DGKB: variants seen among roughly 807,000 people sequenced by gnomAD.
DGKB encodes 90 kDa diacylglycerol kinase.
In DGKB, 67 loss-of-function variants were observed where a neutral mutation model predicts 114.3. That is an observed-to-expected ratio of 0.59 (90% CI 0.48 to 0.72). DGKB has a LOEUF of 0.72. DGKB is among the 30% of genes least tolerant of loss of function. The probability of loss-of-function intolerance (pLI) is 0.00; values close to 1 mark genes in which losing one functional copy is unlikely to be tolerated. For synonymous variants in DGKB, 398 were observed against 323.1 expected (o/e 1.23, Z -2.49); for missense variants, 907 against 975.2 (o/e 0.93, Z 0.93).
At chr7:14,395,949 T>C (rs1822146799) in intron 21 of DGKB, among the ~76,000 whole-genome samples, 1 of 152,016 alleles carries the variant, frequency 6.6e-6, no homozygotes, top group Admixed American at 6.6e-5. Flanking sequence ...TAAAATTTAT[T>C]GGTTATAAAT....
chr7:14,337,217 CTAA>C (rs1044864935), intron 23 of DGKB, among the ~76,000 whole-genome samples: 12 of 152,010 alleles, frequency 7.9e-5, no homozygotes, highest in Admixed American at 4.6e-4. Flanking sequence ...CTTCTAGAAA[CTAA>C]TAATTATATT....
At chr7:14,914,789 T>C (rs540506984) in intron 1 of DGKB, among the ~76,000 whole-genome samples, 1 of 151,670 alleles carries the variant, frequency 6.6e-6, no homozygotes, top group South Asian at 2.1e-4. Flanking sequence ...ACAATGAATG[T>C]AAACAGAGAG....
chr7:14,332,281 G>T (rs1809861620), intron 23 of DGKB, among the ~76,000 whole-genome samples: 1 of 152,198 alleles, frequency 6.6e-6, no homozygotes, highest in South Asian at 2.1e-4. Flanking sequence ...TAAAGTACAA[G>T]GACATGAAGT....
At chr7:14,644,071 C>A (rs1365228693) in intron 13 of DGKB, among the ~76,000 whole-genome samples, 1 of 151,082 alleles carries the variant, frequency 6.6e-6, no homozygotes, top group Non-Finnish European at 1.5e-5. Context: ...CAACTACAGC[C>A]TAAACTACTG....
chr7:14,880,361 G>T (rs1028519179), intron 1 of DGKB, among the ~76,000 whole-genome samples: 2 of 152,124 alleles, frequency 1.3e-5, no homozygotes, highest in Non-Finnish European at 2.9e-5. Flanking sequence ...GGGAGGCTGA[G>T]GTAGAAGAAT....
intron 2 of DGKB, among the ~76,000 whole-genome samples, chr7:14,820,360 T>C (rs1256090624): frequency 6.6e-6 from 1 of 152,210 alleles, no homozygotes; most frequent in Admixed American, 6.6e-5. Context: ...ATTTTCCAAA[T>C]TGCTTGTGCC....
At chr7:14,210,045 A>G (rs578092379) in intron 23 of DGKB, among the ~76,000 whole-genome samples, 1 of 152,196 alleles carries the variant, frequency 6.6e-6, no homozygotes, top group African/African-American at 2.4e-5. Flanking sequence ...TTATACATAC[A>G]AAGTGGTACA....
intron 21 of DGKB, among the ~76,000 whole-genome samples, chr7:14,351,467 C>A (rs1317734441): frequency 6.6e-6 from 1 of 152,278 alleles, no homozygotes; most frequent in East Asian, 1.9e-4. Context: ...AGGGAGGATA[C>A]ATTTGTAGTT....
intron 1 of DGKB, among the ~76,000 whole-genome samples, chr7:14,964,346 A>C (rs529161360): frequency 1.3e-5 from 2 of 152,230 alleles, no homozygotes; most frequent in East Asian, 3.9e-4. Context: ...CTCTACAAAA[A>C]ATATAAAAAT....
At chr7:14,445,049 T>A (rs937170669) in intron 21 of DGKB, among the ~76,000 whole-genome samples, 4 of 151,914 alleles carry the variant, frequency 2.6e-5, no homozygotes, top group African/African-American at 9.7e-5. Context: ...TATTTCAGAT[T>A]CTCTACCTGT....
In DGKB at chr7:14,574,433, TTA is replaced by T. The variant is rs901577845; in HGVS notation, c.1610-63_1610-62del. ...CTAACCAAATAAAAAAGCTGTATTT[TTA>T]TGTTTCAGTGTGCTTATGCATATGT... On this transcript the variant is annotated intron_variant, in intron 19 of 25. Transcript: ENST00000402815. 1.4e-5 allele frequency: 20 copies of T among 1,472,722 alleles called. No individual in the cohort carries two copies. The African/African-American group carries it at 2.7e-4, about 20-fold the overall frequency. 91.2% of individuals were successfully genotyped at this position (1,472,722 alleles called of 1,614,324 possible). A position where few individuals can be genotyped will look rare whatever the true frequency, so the allele number is the denominator to read the frequency against.
intron 23 of DGKB, among the ~76,000 whole-genome samples, chr7:14,277,709 T>C (rs1799237329): frequency 6.6e-6 from 1 of 152,244 alleles, no homozygotes; most frequent in African/African-American, 2.4e-5. Flanking sequence ...CTGTGTATAG[T>C]GCTACAATGA....
chr7:14,453,046 G>A (rs1013037709), intron 21 of DGKB, among the ~76,000 whole-genome samples: 2 of 152,152 alleles, frequency 1.3e-5, no homozygotes, highest in African/African-American at 2.4e-5. Context: ...AATGGAAATA[G>A]CAATGGCTTA....
intron 2 of DGKB, among the ~76,000 whole-genome samples, chr7:14,825,197 T>C (rs142287024): frequency 6.6e-6 from 1 of 151,748 alleles, no homozygotes; most frequent in East Asian, 1.9e-4. Flanking sequence ...AGGGCTGTCT[T>C]CTAGATCACT....
intron 14 of DGKB, 52 bp downstream of exon 14, chr7:14,630,184 A>T: frequency 1.6e-6 from 2 of 1,259,958 alleles, no homozygotes; most frequent in Non-Finnish European, 2.2e-6. Context: ...GCAATACAAG[A>T]TGTATAATGA....
chr7:14,675,385 A>T (rs1819673640), intron 12 of DGKB, among the ~76,000 whole-genome samples: 1 of 152,068 alleles, frequency 6.6e-6, no homozygotes, highest in Non-Finnish European at 1.5e-5. Flanking sequence ...TTACTGATGT[A>T]AGAAAGGATG....
chr7:14,718,848 C>G (rs1221589660), intron 5 of DGKB, 163 bp from the exon 6 acceptor site: 1 of 559,954 alleles, frequency 1.8e-6, no homozygotes, highest in African/African-American at 1.9e-5. Flanking sequence ...CTAGACATAG[C>G]CTACGACTGT....
chr7:14,392,995 G>GTTTT (rs1554404748), intron 21 of DGKB, among the ~76,000 whole-genome samples: 6 of 60,534 alleles, frequency 9.9e-5, no homozygotes, highest in Admixed American at 2.3e-4. Flanking sequence ...TTTTGTTTTT[G>GTTTT]TTTTTTTTTT....
Position 14,957,359 on chromosome 7 carries a change from T to C in DGKB, c.-188+17337A>G, listed in dbSNP as rs188852281. On this transcript the variant is annotated intron_variant, in intron 1 of 4. Coordinates refer to the DGKB transcript ENST00000437998. The stretch of plus-strand genomic sequence containing the variant: ...TATTGTGTGGTACCAATGGGAGTGA[T>C]ACAATAAATAATGTGATCTAGCATT... 1.1e-3 allele frequency among the ~76,000 whole-genome samples: 169 copies of C among 152,146 alleles called. 1 individual carries two copies. The highest frequency in any genetic ancestry group is 4.0e-3 in the African/African-American group (165 of 41,558).
Sources: allele counts gnomAD v4.1 joint callset (sites outside exome capture counted in the v4.1 genomes callset), GRCh38; gene constraint gnomAD v4.1.1; transcripts MANE v1.5; gene names NCBI Gene and HGNC (gene_info 2026-07-23, HGNC 2026-07-21).